MAEA: variants seen among roughly 807,000 people sequenced by gnomAD.
The protein encoded by MAEA is E3 ubiquitin-protein transferase MAEA.
Under a neutral mutation model 46.2 loss-of-function variants are expected in MAEA, and 22 were observed. The observed-to-expected ratio is 0.48, with a 90% CI of 0.34 to 0.68. MAEA has a LOEUF of 0.68. MAEA is among the 30% of genes least tolerant of loss of function. The pLI, the probability that MAEA is intolerant of heterozygous loss-of-function variation, is 0.01. For missense variants in MAEA, 393 were observed against 558.1 expected, an observed-to-expected ratio of 0.70 and a Z score of 2.98; for synonymous variants, 246 against 222.6, an observed-to-expected ratio of 1.11 and a Z score of -0.94.
chr4:1,315,648 C>T, intron 3 of MAEA, 48 bp downstream of exon 3: 2 of 1,591,378 alleles, frequency 1.3e-6, no homozygotes, highest in South Asian at 2.2e-5. Context: ...GGCCCCAGGC[C>T]TATGGCCAGC....
intron 1 of MAEA, among the ~76,000 whole-genome samples, chr4:1,298,369 C>T (rs1734981382): frequency 6.6e-6 from 1 of 152,258 alleles, no homozygotes; most frequent in Non-Finnish European, 1.5e-5. Context: ...CACGCGCCGT[C>T]TTCTGGTTAT....
intron 1 of MAEA, among the ~76,000 whole-genome samples, chr4:1,306,955 T>C (rs1268298765): frequency 6.6e-6 from 1 of 152,172 alleles, no homozygotes; most frequent in Non-Finnish European, 1.5e-5. Context: ...CCTTGGCCCC[T>C]TGGCTGTATG....
chr4:1,303,519 G>C (rs1290260373), intron 1 of MAEA, among the ~76,000 whole-genome samples: 2 of 152,152 alleles, frequency 1.3e-5, no homozygotes, highest in African/African-American at 2.4e-5. Context: ...AAGAGGAGTG[G>C]AGCGTCGCTG....
chr4:1,298,175 C>T (rs1734952785), intron 1 of MAEA: 1 of 432,728 alleles, frequency 2.3e-6, no homozygotes, highest in Non-Finnish European at 4.7e-6. Context: ...CGTCCTTGTG[C>T]TCTGCCCGCG....
intron 5 of MAEA, among the ~76,000 whole-genome samples, chr4:1,328,336 T>C (rs1487302685): frequency 6.6e-6 from 1 of 152,202 alleles, no homozygotes; most frequent in East Asian, 1.9e-4. Flanking sequence ...GGCTTCCCGC[T>C]GGCTCCCCAG....
chr4:1,291,412 C>T (rs1430131600), intron 1 of MAEA, among the ~76,000 whole-genome samples: 1 of 152,142 alleles, frequency 6.6e-6, no homozygotes, highest in African/African-American at 2.4e-5. Context: ...TTGCTAGATC[C>T]CTCCAAGATG....
intron 1 of MAEA, chr4:1,309,486 G>C: frequency 5.3e-6 from 7 of 1,331,580 alleles, no homozygotes; most frequent in Non-Finnish European, 6.8e-6. Flanking sequence ...AGGAGCTGCT[G>C]TCTGGGTCAG....
chr4:1,294,668 T>G (rs1046979807), intron 1 of MAEA, among the ~76,000 whole-genome samples: 1 of 151,452 alleles, frequency 6.6e-6, no homozygotes, highest in African/African-American at 2.4e-5. Flanking sequence ...GCTAGCATGA[T>G]GGGGAGACAA....
At chr4:1,310,782 C>T (rs114910785) in intron 1 of MAEA, among the ~76,000 whole-genome samples, 2,752 of 152,288 alleles carry the variant, frequency 0.018, 45 homozygotes, top group Non-Finnish European at 0.026. Context: ...GCCGGGGGAA[C>T]GGGCTCAGGG....
chr4:1,328,866 T>G, intron 5 of MAEA: 17 of 1,037,700 alleles, frequency 1.6e-5, no homozygotes, highest in Non-Finnish European at 1.9e-5. Flanking sequence ...TGCAACGAGG[T>G]CCCTTCTGTG....
At chr4:1,308,756 A>G (rs191912228) in intron 1 of MAEA, among the ~76,000 whole-genome samples, 6 of 152,188 alleles carry the variant, frequency 3.9e-5, no homozygotes, top group African/African-American at 1.4e-4. Context: ...TTAAAATTGG[A>G]TATTTCCTTT....
intron 7 of MAEA, chr4:1,337,334 T>TGTGACTGACTCTGCCC: frequency 3.3e-6 from 1 of 305,498 alleles, no homozygotes; most frequent in African/African-American, 2.3e-5. Context: ...ACCAAGAACC[T>TGTGACTGACTCTGCCC]TGCCTGTGAC....
At chr4:1,325,953 G>A (rs368510445) in intron 4 of MAEA, among the ~76,000 whole-genome samples, 1 of 152,152 alleles carries the variant, frequency 6.6e-6, no homozygotes, top group Non-Finnish European at 1.5e-5. Flanking sequence ...TGACCCGTCT[G>A]TCTAGGGACA....
chr4:1,330,200 G>T, intron 5 of MAEA: 7 of 950,680 alleles, frequency 7.4e-6, no homozygotes, highest in Non-Finnish European at 8.8e-6. Context: ...CAGGCGGCTG[G>T]GACCTGGCCT....
At chr4:1,303,117 G>A (rs1421636901) in intron 1 of MAEA, among the ~76,000 whole-genome samples, 1 of 151,528 alleles carries the variant, frequency 6.6e-6, no homozygotes, top group African/African-American at 2.4e-5. Flanking sequence ...GGCCGGGTGT[G>A]GTGGCTCATG....
chr4:1,318,723 C>A (rs939222045), intron 3 of MAEA, among the ~76,000 whole-genome samples: 1 of 152,144 alleles, frequency 6.6e-6, no homozygotes, highest in Non-Finnish European at 1.5e-5. Flanking sequence ...AATGTAAACC[C>A]CGGCTGCGCT....
chr4:1,330,464 C>G (rs185638076), intron 5 of MAEA: 3 of 146,366 alleles, frequency 2.0e-5, no homozygotes, highest in East Asian at 4.0e-4. Context: ...TTACAGGCGC[C>G]CACCACCACG....
At chr4:1,303,215 C>T (rs370257328) in intron 1 of MAEA, among the ~76,000 whole-genome samples, 150 of 127,566 alleles carry the variant, frequency 1.2e-3, no homozygotes, top group African/African-American at 4.0e-3. Context: ...GGTGAAACCC[C>T]GTCTCTACTA....
chr4:1,338,716 C>T (rs1368002915), intron 8 of MAEA, 99 bp downstream of exon 8: 12 of 1,114,940 alleles, frequency 1.1e-5, no homozygotes, highest in African/African-American at 4.7e-5. Context: ...TGGCACGCAT[C>T]GCCATCGGGA....
Sources: allele counts gnomAD v4.1 joint callset (sites outside exome capture counted in the v4.1 genomes callset), GRCh38; gene constraint gnomAD v4.1.1; transcripts MANE v1.5; gene names NCBI Gene and HGNC (gene_info 2026-07-23, HGNC 2026-07-21).